Variants in CPAMD8 observed in about 807,000 individuals in gnomAD.
The protein encoded by CPAMD8 is C3 and PZP like alpha-2-macroglobulin domain containing 8, also known as C3 and PZP-like alpha-2-macroglobulin domain-containing protein 8.
A neutral mutation model predicts 224.7 loss-of-function variants in CPAMD8; 146 were observed. That is an observed-to-expected ratio of 0.65 (90% confidence interval 0.57 to 0.75). The LOEUF (loss-of-function observed/expected upper bound fraction) is 0.75. Ranked by LOEUF, CPAMD8 falls within the 30% of genes least tolerant of loss-of-function variation. The pLI, the probability that CPAMD8 is intolerant of heterozygous loss-of-function variation, is 0.00. For synonymous variants in CPAMD8, 966 were observed against 1,044.6 expected (o/e 0.92, Z 1.45); for missense variants, 2,301 against 2,537.5 (o/e 0.91, Z 2.00).
chr19:16,904,005 G>A, intron 32 of CPAMD8, 148 bp from the exon 33 acceptor site: 1 of 926,292 alleles, frequency 1.1e-6, no homozygotes, highest in Non-Finnish European at 1.6e-6. Context: ...TGGCACTGGG[G>A]GCCTCAGGAC....
rs749706912 is a variant in CPAMD8 at position 16,957,943 on chromosome 19, A to G, written c.2214-28T>C. On this transcript the variant is annotated intron_variant, in intron 18 of 41. Transcript: ENST00000443236. ...ATGAAAAGAAAAAAAGAAACGATTA[A>G]GGTTTCATGAACATAACAAATCTTA... 2.2e-5 allele frequency: 35 copies of G among 1,598,394 alleles called. No homozygotes were observed. In the South Asian group the frequency reaches 3.8e-4, roughly 17 times the overall value.
At chr19:16,972,408 AG>A (rs1264522429) in intron 17 of CPAMD8, among the ~76,000 whole-genome samples, 1 of 152,024 alleles carries the variant, frequency 6.6e-6, no homozygotes, top group Non-Finnish European at 1.5e-5. Context: ...GACTCACTGT[AG>A]CCTGGGCTGA....
chr19:16,988,506 A>C (rs1339071080), intron 13 of CPAMD8, among the ~76,000 whole-genome samples: 2 of 152,086 alleles, frequency 1.3e-5, no homozygotes, highest in African/African-American at 4.8e-5. Flanking sequence ...GCTACTCCAG[A>C]GGCTGAGGCA....
At chr19:16,993,629 T>C in intron 11 of CPAMD8, 43 bp from the exon 12 acceptor site, 1 of 1,587,196 alleles carries the variant, frequency 6.3e-7, no homozygotes, top group Non-Finnish European at 8.6e-7. Context: ...AAGACGGCCA[T>C]GCTCCCCAAA....
chr19:16,906,374 CTTTCTTTCTTTCTTTCTTTCT>C (rs1260246658), intron 30 of CPAMD8, among the ~76,000 whole-genome samples: 7,517 of 93,522 alleles, frequency 0.08, 501 homozygotes, highest in Middle Eastern at 0.12. Context: ...TTCTTTCTTT[CTTTCTTTCTTTCTTTCTTTCT>C]TTCTTTCTTT....
chr19:16,955,760 T>G (rs1220634648), intron 19 of CPAMD8, among the ~76,000 whole-genome samples: 1 of 152,170 alleles, frequency 6.6e-6, no homozygotes, highest in Non-Finnish European at 1.5e-5. Context: ...CACTGCAGCC[T>G]CAACCTCCTG....
rs760410574 is a variant in CPAMD8 at position 16,893,387 on chromosome 19, C to T, written c.5427-48G>A. ...CAACATCCTCTACAGCAAGTGGGCA[C>T]GGGGCCTCGGGCTGAGGAAGGAGCC... On this transcript the variant is annotated intron_variant, in intron 41 of 41. Transcript: ENST00000443236. The T allele has an allele frequency of 1.6e-5, 21 of 1,309,620 alleles. 1 individual carries two copies. The highest frequency in any genetic ancestry group is 1.1e-4 in the South Asian group (8 of 72,450). 81.1% of individuals were successfully genotyped at this position (1,309,620 alleles called of 1,614,324 possible).
At chr19:17,019,512 T>C (rs1488780496) in intron 3 of CPAMD8, among the ~76,000 whole-genome samples, 1 of 152,086 alleles carries the variant, frequency 6.6e-6, no homozygotes, top group Non-Finnish European at 1.5e-5. Context: ...GTGAAAAGTA[T>C]GAAAACTGGA....
At position 16,947,120 on chromosome 19, in the gene CPAMD8, G is replaced by C; in HGVS notation, c.2616C>G (p.Ile872Met). Residue 872 changes from isoleucine (I) to methionine (M), a missense_variant, in exon 21 of 42, where the codon ATC becomes ATG. Coordinates refer to ENST00000443236, the MANE Select transcript of CPAMD8 (RefSeq NM_015692.5). ...MCVAPGEAEPIWVVLSFSDLG... is the reference protein window; with the variant it reads ...MCVAPGEAEPMWVVLSFSDLG... Reference sequence around the variant, plus strand: ...GGTCGCTGAAGGACAGAACGACCCAGATGGGCTCAGCCTCCCCGGGGGCCA... The same window carrying C: ...GGTCGCTGAAGGACAGAACGACCCACATGGGCTCAGCCTCCCCGGGGGCCA... 6.2e-7 allele frequency: 1 copy of C among 1,613,590 alleles called. No homozygotes were observed. The highest frequency in any genetic ancestry group is 8.5e-7 in the Non-Finnish European group (1 of 1,179,682).
intron 19 of CPAMD8, among the ~76,000 whole-genome samples, chr19:16,954,813 T>A (rs953770032): frequency 2.0e-5 from 3 of 151,568 alleles, no homozygotes; most frequent in African/African-American, 7.3e-5. Flanking sequence ...TGAAACCCCA[T>A]CTCTACTAAA....
In CPAMD8 at chr19:16,952,222, T is replaced by A. The variant is rs950387995; in HGVS notation, c.2277-22A>T. 3 of 1,355,322 alleles carry A rather than the reference T, an allele frequency of 2.2e-6. No individual in the cohort carries two copies. The Admixed American group carries it at 6.0e-5, about 27-fold the overall frequency. The allele number at this position is 1,355,322 out of a possible 1,614,324, so 84.0% of individuals were successfully genotyped here. A position where few individuals can be genotyped will look rare whatever the true frequency, so the allele number is the denominator to read the frequency against. On this transcript the variant is annotated intron_variant, in intron 19 of 41. Transcript: ENST00000443236. ...GTCACTGCGGAGAGACAGACAGCCATGATGGGGGGCCCTTCTCCAGGGCCA... is the reference window on the plus strand; with the variant it reads ...GTCACTGCGGAGAGACAGACAGCCAAGATGGGGGGCCCTTCTCCAGGGCCA...
chr19:16,929,083 G>T lies in CPAMD8; in HGVS notation c.3003C>A (p.Val1001=). 6.2e-7 allele frequency: 1 copy of T among 1,614,084 alleles called. No homozygotes were observed. The highest frequency in any genetic ancestry group is 1.1e-5 in the South Asian group (1 of 91,076). The part of the protein sequence containing the change: ...PQDTAGMIEI[V]LGGHQNTRSW... ...ACCTGGTGTTCTGATGCCCCCCCAG[G>T]ACGATCTCGATCATGCCTGCTGTGT... The change falls in exon 24 of 42, where the codon GTC becomes GTA. Residue 1001 remains valine, a synonymous_variant. Coordinates refer to ENST00000443236, the MANE Select transcript of CPAMD8 (RefSeq NM_015692.5).
intron 27 of CPAMD8, among the ~76,000 whole-genome samples, chr19:16,917,370 G>A (rs1343539651): frequency 6.6e-6 from 1 of 152,212 alleles, no homozygotes; most frequent in Non-Finnish European, 1.5e-5. Context: ...TATCACATGG[G>A]AAGCTGTGTA....
intron 29 of CPAMD8, 130 bp downstream of exon 29, chr19:16,914,294 T>C (rs1452599719): frequency 1.4e-6 from 1 of 696,094 alleles, no homozygotes; most frequent in Non-Finnish European, 2.5e-6. Context: ...ATGAAAAGCA[T>C]GAAAAAGCCT....
chr19:17,003,415 C>T (rs1177697698), intron 8 of CPAMD8, among the ~76,000 whole-genome samples: 1 of 151,680 alleles, frequency 6.6e-6, no homozygotes, highest in African/African-American at 2.4e-5. Flanking sequence ...CCAGGCTGGT[C>T]TCAAACTCCT....
At position 16,903,776 on chromosome 19, in the gene CPAMD8, C is replaced by G. The variant is rs1482611581; in HGVS notation, c.4333G>C (p.Ala1445Pro). 3.1e-6 allele frequency: 5 copies of G among 1,614,016 alleles called. No individual in the cohort carries two copies. Among genetic ancestry groups the G allele is most frequent in the Non-Finnish European group, 4.2e-6 (5 of 1,179,980 alleles). The change falls in exon 33 of 42, where the codon GCC becomes CCC. Residue 1445 changes from alanine (A) to proline (P), a missense_variant. Coordinates refer to ENST00000443236, the MANE Select transcript of CPAMD8 (RefSeq NM_015692.5). ...AGGINLTVSL[A>P]STNLDYQETF... Reference sequence around the variant, plus strand: ...TCCTGGTAGTCCAGGTTGGTGGAGGCCAGGGAGACAGTGAGGTTGATGCCT... The same window carrying G: ...TCCTGGTAGTCCAGGTTGGTGGAGGGCAGGGAGACAGTGAGGTTGATGCCT...
At chr19:16,959,403 G>A (rs185582198) in intron 18 of CPAMD8, among the ~76,000 whole-genome samples, 2 of 151,708 alleles carry the variant, frequency 1.3e-5, no homozygotes, top group East Asian at 1.9e-4. Flanking sequence ...TCAAACTCCC[G>A]ACATCAAGTG....
chr19:16,953,208 G>A (rs1297629542), intron 19 of CPAMD8, among the ~76,000 whole-genome samples: 1 of 151,952 alleles, frequency 6.6e-6, no homozygotes, highest in Non-Finnish European at 1.5e-5. Flanking sequence ...ATATACAAAA[G>A]TTAACTCAAA....
At chr19:16,934,917 C>G (rs924464992) in intron 23 of CPAMD8, among the ~76,000 whole-genome samples, 7 of 152,192 alleles carry the variant, frequency 4.6e-5, no homozygotes, top group African/African-American at 1.4e-4. Flanking sequence ...TTCAAGAACT[C>G]TTTTCATCCT....
Sources: allele counts gnomAD v4.1 joint callset (sites outside exome capture counted in the v4.1 genomes callset), GRCh38; gene constraint gnomAD v4.1.1; transcripts MANE v1.5; gene names NCBI Gene and HGNC (gene_info 2026-07-23, HGNC 2026-07-21).